The following PLCG1 variants were observed in gnomAD, a reference collection of about 807,000 sequenced individuals.
PLCG1 encodes phospholipase C gamma 1, also known as 1-phosphatidylinositol 4,5-bisphosphate phosphodiesterase gamma-1.
PLCG1 carries 71 observed loss-of-function variants against 177.8 expected under a neutral mutation model. The ratio of observed to expected loss-of-function variants is 0.40; its 90% CI spans 0.33 to 0.49. The LOEUF is 0.49. Ranked by LOEUF, PLCG1 falls within the 20% of genes least tolerant of loss-of-function variation. The pLI is 0.72. For synonymous variants in PLCG1, 658 were observed against 647.9 expected, an observed-to-expected ratio of 1.02 and a Z score of -0.24; for missense variants, 1,281 against 1,709.0, an observed-to-expected ratio of 0.75 and a Z score of 4.42.
At position 41,174,685 on chromosome 20, in the gene PLCG1, T is replaced by G. The variant is rs1196769713; in HGVS notation, c.*176T>G. The G allele has an allele frequency of 1.6e-6, 1 of 630,276 alleles. No homozygotes were observed. Among genetic ancestry groups the G allele is most frequent in the Non-Finnish European group, 2.8e-6 (1 of 353,894 alleles). 39.0% of individuals were successfully genotyped at this position (630,276 alleles called of 1,614,324 possible). ...AGCCATTAATGAGATGTTATTACTG[T>G]TTTGGGCCTCCATGCCCCAGCTCTG... is the stretch of plus-strand genomic sequence containing the variant. On this transcript the variant is annotated 3_prime_UTR_variant, in exon 32 of 32. Coordinates refer to ENST00000685551, the MANE Select transcript of PLCG1 (RefSeq NM_002660.3). The surrounding 1 kb of genome is among the most constrained non-coding windows in gnomAD (Gnocchi z 5.8).
At chr20:41,138,076 CA>C in intron 1 of PLCG1, 1 of 378,818 alleles carries the variant, frequency 2.6e-6, no homozygotes, top group Non-Finnish European at 4.7e-6. Context: ...CCCCCTCCCC[CA>C]GCTGGGGGGA....
At position 41,172,655 on chromosome 20, in the gene PLCG1, T is replaced by A. The variant is rs1316132034; in HGVS notation, c.3130+10T>A. 3 of 1,613,092 alleles carry A rather than the reference T, an allele frequency of 1.9e-6. No homozygotes were observed. The African/African-American group carries it at 4.0e-5, about 22-fold the overall frequency. ...AACTTCCAGACCCCTGGTGAGGAAGTCCCCTGTGAGGAGGGTGAGGAGGGG... is the reference window on the plus strand; with the variant it reads ...AACTTCCAGACCCCTGGTGAGGAAGACCCCTGTGAGGAGGGTGAGGAGGGG... On this transcript the variant is annotated intron_variant, in intron 26 of 31. Coordinates refer to ENST00000685551, the MANE Select transcript of PLCG1 (RefSeq NM_002660.3). This position sits in a 1 kb window ranked among gnomAD's most constrained non-coding sequence, Gnocchi z 7.0.
Position 41,164,026 on chromosome 20 carries a change from G to C in PLCG1, c.1096+20G>C, listed in dbSNP as rs559533535. ...TTGAGTGTGCGTGGGGTCCAGGGCTGGGGGAGGGAAGATGGGAGGCCTGCC... is the reference window on the plus strand; with the variant it reads ...TTGAGTGTGCGTGGGGTCCAGGGCTCGGGGAGGGAAGATGGGAGGCCTGCC... On this transcript the variant is annotated intron_variant, in intron 11 of 31. Coordinates refer to ENST00000685551, the MANE Select transcript of PLCG1 (RefSeq NM_002660.3). The surrounding 1 kb of genome is among the most constrained non-coding windows in gnomAD (Gnocchi z 6.4). 1.2e-4 allele frequency: 200 copies of C among 1,614,164 alleles called. 4 individuals carry two copies. In the South Asian group the frequency reaches 1.9e-3, roughly 15 times the overall value.
intron 1 of PLCG1, among the ~76,000 whole-genome samples, chr20:41,155,661 C>G (rs537517745): frequency 6.6e-6 from 1 of 152,128 alleles, no homozygotes. Context: ...TTTATTTCAC[C>G]CAAGTTTGGG....
rs1600667593 is a variant in PLCG1 at position 41,167,005 on chromosome 20, G to A, written c.2301+146G>A. 2.8e-6 allele frequency: 2 copies of A among 716,500 alleles called. No homozygotes were observed. Among genetic ancestry groups the A allele is most frequent in the Non-Finnish European group, 4.8e-6 (2 of 415,112 alleles). 44.4% of individuals were successfully genotyped at this position (716,500 alleles called of 1,614,324 possible). ...CCTGACTCCAGCTGGGAGCCACAGTGTGGGTACCAGGAGGGTGTCTGCAGG... is the reference window on the plus strand; with the variant it reads ...CCTGACTCCAGCTGGGAGCCACAGTATGGGTACCAGGAGGGTGTCTGCAGG... On this transcript the variant is annotated intron_variant, in intron 19 of 31. Transcript: ENST00000685551. The surrounding 1 kb of genome is among the most constrained non-coding windows in gnomAD (Gnocchi z 4.4).
Position 41,170,139 on chromosome 20 carries a change from G to C in PLCG1, c.2678G>C (p.Arg893Pro). ...ATCCGTCCTGAGGGCAAGAACAACCGGCTCTTCGTCTTCTCCATCAGCATG... is the reference window on the plus strand; with the variant it reads ...ATCCGTCCTGAGGGCAAGAACAACCCGCTCTTCGTCTTCTCCATCAGCATG... ...IAIRPEGKNN[R>P]LFVFSISMAS... The change falls in exon 24 of 32, where the codon CGG becomes CCG. Residue 893 changes from arginine to proline, a missense_variant. By Grantham distance (103) the Arg-to-Pro change is moderately radical. Transcript: ENST00000685551. 2 of 1,613,686 alleles carry C rather than the reference G, an allele frequency of 1.2e-6. No homozygotes were observed. The highest frequency in any genetic ancestry group is 1.7e-6 in the Non-Finnish European group (2 of 1,179,744).
chr20:41,143,705 T>TTGGCCCAAATC (rs2034904200), intron 1 of PLCG1, among the ~76,000 whole-genome samples: 2 of 152,192 alleles, frequency 1.3e-5, no homozygotes, highest in African/African-American at 4.8e-5. Context: ...CTGGTCAGAT[T>TTGGCCCAAATC]TGGGTTCAGG....
chr20:41,159,702 A>AT lies in PLCG1; in HGVS notation c.316dup (p.Cys106LeufsTer22). The AT allele has an allele frequency of 6.2e-7, 1 of 1,614,174 alleles. No homozygotes were observed. Among genetic ancestry groups the AT allele is most frequent in the Non-Finnish European group, 8.5e-7 (1 of 1,180,032 alleles). ...CCAGCTTTCCGGCCGGACCAGTCAC[A>AT]TTGCTTTGTCATTCTCTATGGAATG... On this transcript the variant is annotated frameshift_variant, in exon 2 of 32. Coordinates refer to ENST00000685551, the MANE Select transcript of PLCG1 (RefSeq NM_002660.3). LOFTEE classifies it high-confidence loss of function. This position sits in a 1 kb window ranked among gnomAD's most constrained non-coding sequence, Gnocchi z 6.0.
chr20:41,169,134 G>A lies in PLCG1; in HGVS notation c.2539G>A (p.Glu847Lys), dbSNP rs768024018. The change falls in exon 22 of 32, where the codon GAA (glutamate) becomes AAA (lysine). Residue 847 changes from glutamate to lysine, a missense_variant. This residue lies in a region of PLCG1 where 723 missense variants were observed against 1,030.0 expected (regional missense o/e 0.70). Coordinates refer to ENST00000685551, the MANE Select transcript of PLCG1 (RefSeq NM_002660.3). ...KQLWFPSNYV[E>K]EMVNPVALEP... ...GCTGTGGTTCCCATCAAACTACGTG[G>A]AAGAGATGGTCAACCCCGTGGCCCT... The A allele has an allele frequency of 5.6e-6, 9 of 1,614,064 alleles. 1 individual carries two copies. In the South Asian group the frequency reaches 8.8e-5, roughly 16 times the overall value.
rs2035709325 is a variant in PLCG1, at chr20:41,166,783, A to G, written c.2225A>G (p.Glu742Gly). ...DSLVDLISYYEKHPLYRKMKL... is the reference protein window; with the variant it reads ...DSLVDLISYYGKHPLYRKMKL... ...CTTGTTGACCTCATCAGCTACTATG[A>G]GAAACACCCGCTATACCGCAAGATG... is the stretch of plus-strand genomic sequence containing the variant. The change falls in exon 19 of 32, where the codon GAG becomes GGG. Residue 742 changes from glutamate to glycine, a missense_variant. Transcript: ENST00000685551. The surrounding 1 kb of genome is among the most constrained non-coding windows in gnomAD (Gnocchi z 8.6). 6.2e-7 allele frequency: 1 copy of G among 1,614,114 alleles called. No homozygotes were observed. The highest frequency in any genetic ancestry group is 1.1e-5 in the South Asian group (1 of 91,080).
Position 41,174,652 on chromosome 20 carries a change from A to G in PLCG1, c.*143A>G. 1 of 713,166 alleles carries G rather than the reference A, an allele frequency of 1.4e-6. No homozygotes were observed. Among genetic ancestry groups the G allele is most frequent in the Non-Finnish European group, 2.4e-6 (1 of 409,564 alleles). 44.2% of individuals were successfully genotyped at this position (713,166 alleles called of 1,614,324 possible). The stretch of plus-strand genomic sequence containing the variant: ...TGGATTCCAGCAGTGAATGCTAGAC[A>G]GAAACCAAGCCATTAATGAGATGTT... On this transcript the variant is annotated 3_prime_UTR_variant, in exon 32 of 32. Transcript: ENST00000685551. This position sits in a 1 kb window ranked among gnomAD's most constrained non-coding sequence, Gnocchi z 5.8.
Position 41,166,871 on chromosome 20 carries a change from G to A in PLCG1, c.2301+12G>A, listed in dbSNP as rs745584966. The A allele has an allele frequency of 6.2e-7, 1 of 1,612,580 alleles. No homozygotes were observed. The highest frequency in any genetic ancestry group is 8.5e-7 in the Non-Finnish European group (1 of 1,178,696). On this transcript the variant is annotated intron_variant, in intron 19 of 31. Transcript: ENST00000685551. The surrounding 1 kb of genome is among the most constrained non-coding windows in gnomAD (Gnocchi z 8.6). ...AGATTGGCACAGCTGTGAGGGGGCT[G>A]TGGTAGACGGGGCATGGCAGGGGAG...
At position 41,174,643 on chromosome 20, in the gene PLCG1, A is replaced by G; in HGVS notation, c.*134A>G. 1 of 754,208 alleles carries G rather than the reference A, an allele frequency of 1.3e-6. No individual in the cohort carries two copies. Among genetic ancestry groups the G allele is most frequent in the Admixed American group, 2.3e-5 (1 of 43,900 alleles). 46.7% of individuals were successfully genotyped at this position (754,208 alleles called of 1,614,324 possible). On this transcript the variant is annotated 3_prime_UTR_variant, in exon 32 of 32. Coordinates refer to ENST00000685551, the MANE Select transcript of PLCG1 (RefSeq NM_002660.3). This position sits in a 1 kb window ranked among gnomAD's most constrained non-coding sequence, Gnocchi z 5.8. Reference sequence around the variant, plus strand: ...CCTGAAGCCTGGATTCCAGCAGTGAATGCTAGACAGAAACCAAGCCATTAA... The same window carrying G: ...CCTGAAGCCTGGATTCCAGCAGTGAGTGCTAGACAGAAACCAAGCCATTAA...
chr20:41,162,090 C>T (rs2035517960), intron 4 of PLCG1, among the ~76,000 whole-genome samples: 1 of 152,144 alleles, frequency 6.6e-6, no homozygotes, highest in Non-Finnish European at 1.5e-5. Flanking sequence ...AGGCTGACTG[C>T]CACCTTGGCA....
At chr20:41,138,688 C>T (rs1443551667) in intron 1 of PLCG1, among the ~76,000 whole-genome samples, 2 of 152,038 alleles carry the variant, frequency 1.3e-5, no homozygotes, top group Non-Finnish European at 2.9e-5. Flanking sequence ...AGCCCTTTGT[C>T]CTCTGTCCGG....
chr20:41,143,896 A>G (rs1187236641), intron 1 of PLCG1, among the ~76,000 whole-genome samples: 1 of 152,226 alleles, frequency 6.6e-6, no homozygotes, highest in South Asian at 2.1e-4. Context: ...TGGCCACTTA[A>G]CAGTATTCAT....
At chr20:41,161,213 T>A (rs2035484027) in intron 4 of PLCG1, among the ~76,000 whole-genome samples, 1 of 151,432 alleles carries the variant, frequency 6.6e-6, no homozygotes, top group African/African-American at 2.4e-5. Flanking sequence ...ACCCCCAGAG[T>A]GTTGAGTTCT....
rs1568740219 is a variant in PLCG1 at position 41,159,822 on chromosome 20, A to G, written c.371-48A>G. On this transcript the variant is annotated intron_variant, in intron 2 of 31. Coordinates refer to ENST00000685551, the MANE Select transcript of PLCG1 (RefSeq NM_002660.3). This position sits in a 1 kb window ranked among gnomAD's most constrained non-coding sequence, Gnocchi z 6.0. ...GGGGAATGCCTGCTGGCTCCTGCCC[A>G]GTGGGAGGTATGTGCCCTCGGGGCA... The G allele has an allele frequency of 6.2e-7, 1 of 1,612,360 alleles. No homozygotes were observed. Among genetic ancestry groups the G allele is most frequent in the Admixed American group, 1.7e-5 (1 of 60,024 alleles).
chr20:41,152,993 C>T (rs910143548), intron 1 of PLCG1, among the ~76,000 whole-genome samples: 3 of 152,216 alleles, frequency 2.0e-5, no homozygotes, highest in Non-Finnish European at 4.4e-5. Context: ...GCTTTCCCTG[C>T]CTTCCTCCAG....
Sources: gnomAD v4.1 joint callset for allele counts (sites outside exome capture counted in the v4.1 genomes callset) on GRCh38, gnomAD v4.1.1 for gene constraint, gnomAD v4.1.1 regional missense constraint, Gnocchi (gnomAD v3.1) non-coding constraint, MANE v1.5 for transcripts, NCBI Gene and HGNC (gene_info 2026-07-23, HGNC 2026-07-21) for gene names.